Variants in NAA15 observed in about 807,000 individuals in gnomAD.
The protein encoded by NAA15 is N-alpha-acetyltransferase 15, NatA auxiliary subunit, also known as N-terminal acetyltransferase.
A neutral mutation model predicts 114.0 loss-of-function variants in NAA15; 34 were observed. That is an observed-to-expected ratio of 0.30 (90% CI 0.23 to 0.40). The LOEUF (loss-of-function observed/expected upper bound fraction) is 0.40, where lower values mean the gene tolerates loss of function less well. Among genes scored for constraint, NAA15 ranks in the 10% least tolerant of loss-of-function variants. NAA15 has a pLI of 1.00. For missense variants in NAA15, 658 were observed against 1,004.5 expected (o/e 0.66, Z 4.66); for synonymous variants, 340 against 338.0 (o/e 1.01, Z -0.06).
chr4:139,303,836 C>T (rs759002452), intron 1 of NAA15, among the ~76,000 whole-genome samples: 8 of 152,228 alleles, frequency 5.3e-5, no homozygotes, highest in Admixed American at 4.6e-4. Flanking sequence ...ATAAGGACAT[C>T]GTCTTGTATA....
At chr4:139,349,879 C>T (rs1042058477) in intron 7 of NAA15, among the ~76,000 whole-genome samples, 3 of 151,622 alleles carry the variant, frequency 2.0e-5, no homozygotes, top group African/African-American at 4.8e-5. Context: ...TCAGCTACTC[C>T]GGAGGCTGAG....
At chr4:139,330,177 C>A (rs995080707) in intron 1 of NAA15, among the ~76,000 whole-genome samples, 24 of 152,300 alleles carry the variant, frequency 1.6e-4, no homozygotes, top group Non-Finnish European at 1.3e-4. Context: ...TGACACTTAA[C>A]CCTCTTCCTT....
intron 15 of NAA15, among the ~76,000 whole-genome samples, chr4:139,373,817 G>T (rs1748509897): frequency 6.6e-6 from 1 of 151,984 alleles, no homozygotes; most frequent in Admixed American, 6.5e-5. Context: ...TCCTGCCTCA[G>T]CTTCCCCAGT....
intron 17 of NAA15, among the ~76,000 whole-genome samples, chr4:139,383,409 A>G (rs1354343718): frequency 1.3e-5 from 2 of 152,238 alleles, no homozygotes; most frequent in African/African-American, 4.8e-5. Context: ...CTTGGATTCA[A>G]TCCAGAGGAA....
chr4:139,364,131 C>T (rs1416544683), intron 14 of NAA15, among the ~76,000 whole-genome samples: 1 of 152,218 alleles, frequency 6.6e-6, no homozygotes, highest in Non-Finnish European at 1.5e-5. Flanking sequence ...CTGCCTTGGT[C>T]TCCCAAATTG....
intron 4 of NAA15, among the ~76,000 whole-genome samples, chr4:139,342,482 T>TTG (rs1747438739): frequency 6.7e-6 from 1 of 149,966 alleles, no homozygotes; most frequent in South Asian, 2.1e-4. Flanking sequence ...AATGTGTGTT[T>TTG]TTTTTTTTTT....
At chr4:139,350,469 G>T (rs528563898) in intron 7 of NAA15, among the ~76,000 whole-genome samples, 1 of 152,164 alleles carries the variant, frequency 6.6e-6, no homozygotes, top group African/African-American at 2.4e-5. Context: ...GGATTCAGAC[G>T]TGGTCCCCCA....
intron 1 of NAA15, among the ~76,000 whole-genome samples, chr4:139,332,570 A>ATTTTTTT (rs1747051142): frequency 5.1e-5 from 3 of 59,206 alleles, no homozygotes; most frequent in African/African-American, 2.3e-4. Context: ...TTTGGTTTGT[A>ATTTTTTT]TGTTTTTTTT....
At chr4:139,351,006 A>G (rs564502007) in intron 7 of NAA15, among the ~76,000 whole-genome samples, 185 bp from the exon 8 acceptor site, 1 of 152,302 alleles carries the variant, frequency 6.6e-6, no homozygotes, top group South Asian at 2.1e-4. Context: ...TTATGTACTT[A>G]AGATAAAAAA....
Position 139,355,834 on chromosome 4 carries a change from C to T in NAA15, c.1088-1552C>T, listed in dbSNP as rs182198052. 3.3e-5 allele frequency among the ~76,000 whole-genome samples: 5 copies of T among 152,176 alleles called. No individual in the cohort carries two copies. The East Asian group carries it at 5.8e-4, about 18-fold the overall frequency. The stretch of plus-strand genomic sequence containing the variant: ...GCATATTCTTCTATTAGTAGGCATA[C>T]GTGTTAGTTTTATATGTTAGCAACT... On this transcript the variant is annotated intron_variant, in intron 10 of 19. Coordinates refer to ENST00000296543, the MANE Select transcript of NAA15 (RefSeq NM_057175.5).
intron 1 of NAA15, among the ~76,000 whole-genome samples, chr4:139,312,248 G>A (rs1433534557): frequency 6.6e-6 from 1 of 151,950 alleles, no homozygotes; most frequent in African/African-American, 2.4e-5. Flanking sequence ...AGTAAGAAGG[G>A]TGAGTGAAGA....
chr4:139,309,210 T>C (rs185144296), intron 1 of NAA15, among the ~76,000 whole-genome samples: 76 of 151,146 alleles, frequency 5.0e-4, no homozygotes, highest in African/African-American at 1.7e-3. Flanking sequence ...TAGCTGGGCG[T>C]GGTTGCAGGC....
In NAA15 at chr4:139,301,989, T is replaced by A. The variant is rs75503415; in HGVS notation, c.54+158T>A. The stretch of plus-strand genomic sequence containing the variant: ...AATGCATTGCTTTGCTCCCTCTCTG[T>A]GGTTCCTACTATGGCCCGCGCGCCA... On this transcript the variant is annotated intron_variant, in intron 1 of 19. Coordinates refer to ENST00000296543, the MANE Select transcript of NAA15 (RefSeq NM_057175.5). 4,048 of 742,166 alleles carry A rather than the reference T, an allele frequency of 5.5e-3. 20 individuals are homozygous for A. Among genetic ancestry groups the A allele is most frequent in the Non-Finnish European group, 7.1e-3 (3,381 of 475,600 alleles). 46.0% of individuals were successfully genotyped at this position (742,166 alleles called of 1,614,324 possible). A position where few individuals can be genotyped will look rare whatever the true frequency, so the allele number is the denominator to read the frequency against.
intron 1 of NAA15, among the ~76,000 whole-genome samples, chr4:139,304,679 G>A (rs1745947982): frequency 6.6e-6 from 1 of 151,792 alleles, no homozygotes; most frequent in African/African-American, 2.4e-5. Context: ...TTTACCTATG[G>A]ATGCAGACAC....
At chr4:139,303,550 A>G (rs1190354321) in intron 1 of NAA15, among the ~76,000 whole-genome samples, 2 of 152,202 alleles carry the variant, frequency 1.3e-5, no homozygotes, top group East Asian at 3.8e-4. Context: ...TAATCCCAGC[A>G]CTTTGGGAGG....
At chr4:139,303,941 G>A (rs1472453701) in intron 1 of NAA15, among the ~76,000 whole-genome samples, 2 of 151,894 alleles carry the variant, frequency 1.3e-5, no homozygotes, top group African/African-American at 4.8e-5. Flanking sequence ...TGTTTGAGAC[G>A]GAGTCTCGCT....
Position 139,344,169 on chromosome 4 carries a change from C to G in NAA15, c.538-17C>G. On this transcript the variant is annotated splice_polypyrimidine_tract_variant and intron_variant, in intron 5 of 19. Coordinates refer to ENST00000296543, the MANE Select transcript of NAA15 (RefSeq NM_057175.5). ...AATAAAATTCTTACTGTCAGTATTC[C>G]TTATATCCATATACAGACATCCCCT... 1 of 1,580,760 alleles carries G rather than the reference C, an allele frequency of 6.3e-7. No individual in the cohort carries two copies. Among genetic ancestry groups the G allele is most frequent in the Non-Finnish European group, 8.6e-7 (1 of 1,162,668 alleles).
At chr4:139,353,295 G>A (rs1747841860) in intron 9 of NAA15, among the ~76,000 whole-genome samples, 1 of 152,138 alleles carries the variant, frequency 6.6e-6, no homozygotes, top group Non-Finnish European at 1.5e-5. Context: ...GAACATGGGT[G>A]CACCAGAATA....
At chr4:139,375,484 T>C (rs1404399216) in intron 15 of NAA15, among the ~76,000 whole-genome samples, 2 of 152,016 alleles carry the variant, frequency 1.3e-5, no homozygotes, top group African/African-American at 4.8e-5. Flanking sequence ...TTAAATGCAG[T>C]GAAACAATTT....
Sources: allele counts gnomAD v4.1 joint callset (sites outside exome capture counted in the v4.1 genomes callset), GRCh38; gene constraint gnomAD v4.1.1; transcripts MANE v1.5; gene names NCBI Gene and HGNC (gene_info 2026-07-23, HGNC 2026-07-21).